Variants in DLEC1 observed in about 807,000 individuals in gnomAD.
The protein encoded by DLEC1 is deleted in lung and esophageal cancer protein 1.
Under a neutral mutation model 198.1 loss-of-function variants are expected in DLEC1, and 146 were observed. That is an observed-to-expected ratio of 0.74 (90% CI 0.64 to 0.85). The LOEUF is 0.85. Ranked by LOEUF, DLEC1 falls within the 40% of genes least tolerant of loss-of-function variation. The probability of loss-of-function intolerance (pLI) is 0.00; values close to 1 mark genes in which losing one functional copy is unlikely to be tolerated. For synonymous variants in DLEC1, 897 were observed against 866.8 expected (o/e 1.03, Z -0.61); for missense variants, 2,233 against 2,220.0 (o/e 1.01, Z -0.12).
chr3:38,054,490 G>A (rs549678177), intron 2 of DLEC1, among the ~76,000 whole-genome samples: 2 of 152,070 alleles, frequency 1.3e-5, no homozygotes, highest in East Asian at 3.8e-4. Flanking sequence ...TGCTGGCACA[G>A]GTTTCCCAGG....
At position 38,112,322 on chromosome 3, in the gene DLEC1, C is replaced by T; in HGVS notation, c.3627C>T (p.Ala1209=). 6.2e-7 allele frequency: 1 copy of T among 1,614,160 alleles called. No homozygotes were observed. The highest frequency in any genetic ancestry group is 8.5e-7 in the Non-Finnish European group (1 of 1,180,018). The part of the protein sequence containing the change: ...QQLCIDITGC[A]NMWGEYWDNL... ...TGTGCATTGACATCACAGGCTGTGC[C>T]AACATGTGGGGCGAGTACTGGGACA... Residue 1209 remains alanine, a synonymous_variant, in exon 25 of 37, where the codon GCC becomes GCT. Transcript: ENST00000308059. This position sits in a 1 kb window ranked among gnomAD's most constrained non-coding sequence, Gnocchi z 4.8.
chr3:38,106,661 CAGT>C (rs771614129), intron 19 of DLEC1, among the ~76,000 whole-genome samples: 43 of 147,680 alleles, frequency 2.9e-4, no homozygotes, highest in Non-Finnish European at 4.9e-4. Flanking sequence ...GAGGCTGAGG[CAGT>C]AGAATTTCTT....
At chr3:38,097,450 T>C (rs1259910993) in intron 16 of DLEC1, 57 bp from the exon 17 acceptor site, 8 of 1,605,302 alleles carry the variant, frequency 5.0e-6, no homozygotes, top group Non-Finnish European at 6.8e-6. Context: ...GGCCCAATCA[T>C]AGGAGGAAAC....
chr3:38,114,594 C>A, intron 26 of DLEC1, 134 bp downstream of exon 26: 2 of 871,160 alleles, frequency 2.3e-6, no homozygotes, highest in Non-Finnish European at 3.6e-6. Context: ...CAAGAAGGTT[C>A]CAGGCCAGGG....
At chr3:38,120,409 T>C in intron 33 of DLEC1, 39 bp from the exon 34 acceptor site, 2 of 1,609,486 alleles carry the variant, frequency 1.2e-6, no homozygotes, top group Non-Finnish European at 1.7e-6. Context: ...CCACCTGCCC[T>C]CTGCAGCCGG....
intron 6 of DLEC1, among the ~76,000 whole-genome samples, chr3:38,070,820 CG>C (rs1559414995): frequency 6.6e-6 from 1 of 152,088 alleles, no homozygotes; most frequent in Non-Finnish European, 1.5e-5. Flanking sequence ...TCAGTTAAGG[CG>C]GGGCAGGGCA....
Position 38,122,924 on chromosome 3 carries a change from A to G in DLEC1, c.*512A>G, listed in dbSNP as rs967127884. Reference sequence around the variant, plus strand: ...TTTCCAAATGAGTTGAAGTGCCTTGATCTGTCCACTGCCACCACCACCAGT... The same window carrying G: ...TTTCCAAATGAGTTGAAGTGCCTTGGTCTGTCCACTGCCACCACCACCAGT... On this transcript the variant is annotated 3_prime_UTR_variant, in exon 37 of 37. Coordinates refer to ENST00000308059, the MANE Select transcript of DLEC1 (RefSeq NM_007335.4). The G allele has an allele frequency of 2.0e-6, 2 of 1,021,138 alleles. No homozygotes were observed. Among genetic ancestry groups the G allele is most frequent in the Non-Finnish European group, 3.0e-6 (2 of 674,040 alleles). The allele number at this position is 1,021,138 out of a possible 1,614,324, so 63.3% of individuals were successfully genotyped here.
intron 7 of DLEC1, 111 bp downstream of exon 7, chr3:38,084,356 G>GGTGGTAGTAGTA: frequency 2.2e-6 from 2 of 915,418 alleles, no homozygotes; most frequent in Non-Finnish European, 3.3e-6. Context: ...TAGTAGTGGT[G>GGTGGTAGTAGTA]GTGGTAGTAG....
In DLEC1 at chr3:38,097,226, G is replaced by C; in HGVS notation, c.2385G>C (p.Lys795Asn). ...CACCCATCAGATACCTGTGGGGGAAGATCAGCGACTGCCACATCATTGAAG... is the reference window on the plus strand; with the variant it reads ...CACCCATCAGATACCTGTGGGGGAACATCAGCGACTGCCACATCATTGAAG... ...SKSPIRYLWGKISDCHIIEVE... is the reference protein window; with the variant it reads ...SKSPIRYLWGNISDCHIIEVE... The change falls in exon 16 of 37, where the codon AAG becomes AAC. Residue 795 changes from lysine (K) to asparagine (N), a missense_variant. Coordinates refer to ENST00000308059, the MANE Select transcript of DLEC1 (RefSeq NM_007335.4). 2.0e-5 allele frequency: 31 copies of C among 1,587,980 alleles called. No individual in the cohort carries two copies. Among genetic ancestry groups the C allele is most frequent in the Non-Finnish European group, 2.7e-5 (31 of 1,165,932 alleles).
At chr3:38,043,883 A>G (rs1035199568) in intron 1 of DLEC1, among the ~76,000 whole-genome samples, 1 of 152,174 alleles carries the variant, frequency 6.6e-6, no homozygotes, top group Non-Finnish European at 1.5e-5. Context: ...TATTAAAAGA[A>G]TGACTAAATA....
At chr3:38,111,500 C>T (rs556906297) in intron 23 of DLEC1, among the ~76,000 whole-genome samples, 177 bp from the exon 24 acceptor site, 98 of 152,270 alleles carry the variant, frequency 6.4e-4, no homozygotes, top group Admixed American at 2.3e-3. Flanking sequence ...ACAGTGGGAG[C>T]AAAGACCAGA....
Position 38,122,334 on chromosome 3 carries a change from C to G in DLEC1, c.5190C>G (p.Leu1730=), listed in dbSNP as rs760984380. Residue 1730 remains leucine, a synonymous_variant, in exon 37 of 37, where the codon CTC becomes CTG. Coordinates refer to ENST00000308059, the MANE Select transcript of DLEC1 (RefSeq NM_007335.4). ...YESTMVVEGV[L]GEKSCTLRLR... is the part of the protein sequence containing the mutation. Reference sequence around the variant, plus strand: ...CCACGATGGTGGTGGAAGGTGTGCTCGGTGAGAAGTCCTGCACCCTGCGGC... The same window carrying G: ...CCACGATGGTGGTGGAAGGTGTGCTGGGTGAGAAGTCCTGCACCCTGCGGC... 68 of 1,614,012 alleles carry G rather than the reference C, an allele frequency of 4.2e-5. No homozygotes were observed. The highest frequency in any genetic ancestry group is 5.7e-5 in the Non-Finnish European group (67 of 1,179,954).
rs377654373 is a variant in DLEC1 at position 38,120,554 on chromosome 3, G to C, written c.4811G>C (p.Arg1604Thr). The change falls in exon 34 of 37, where the codon AGA (arginine) becomes ACA (threonine). Residue 1604 changes from arginine to threonine, a missense_variant. Physicochemically the swap from Arg to Thr is moderately conservative, Grantham distance 71. Coordinates refer to ENST00000308059, the MANE Select transcript of DLEC1 (RefSeq NM_007335.4). Reference protein sequence around the residue: ...VDIQQSASGEREMVFTQNLLL... With the variant: ...VDIQQSASGETEMVFTQNLLL... ...ATTCAGCAGAGTGCGAGTGGAGAGA[G>C]AGAGATGGTGTTTACTCAGAACCTG... is the stretch of plus-strand genomic sequence containing the variant. 1.9e-6 allele frequency: 3 copies of C among 1,614,178 alleles called. No individual in the cohort carries two copies. The highest frequency in any genetic ancestry group is 1.1e-5 in the South Asian group (1 of 91,078).
intron 18 of DLEC1, among the ~76,000 whole-genome samples, chr3:38,099,571 A>G (rs1170566261): frequency 6.6e-6 from 1 of 152,168 alleles, no homozygotes; most frequent in East Asian, 1.9e-4. Flanking sequence ...CCACCCCCAG[A>G]GCTCCAAGGG....
Position 38,114,409 on chromosome 3 carries a change from T to TGAG in DLEC1, c.3737_3739dup (p.Arg1246dup). On this transcript the variant is annotated inframe_insertion, in exon 26 of 37. Coordinates refer to ENST00000308059, the MANE Select transcript of DLEC1 (RefSeq NM_007335.4). ...GCGGTGGGCTGCCCCATCAGCTCCC[T>TGAG]GAGGACCACCTCCTACACTATTGAC... The TGAG allele has an allele frequency of 6.2e-7, 1 of 1,614,130 alleles. No homozygotes were observed.
At chr3:38,075,570 G>C (rs1697563518) in intron 6 of DLEC1, among the ~76,000 whole-genome samples, 1 of 152,210 alleles carries the variant, frequency 6.6e-6, no homozygotes, top group Non-Finnish European at 1.5e-5. Flanking sequence ...GGAGGGAAGG[G>C]GTTCGGGGGT....
At position 38,114,969 on chromosome 3, in the gene DLEC1, C is replaced by G. The variant is rs1212966994; in HGVS notation, c.3786-14C>G. Reference sequence around the variant, plus strand: ...TGGCTGTGGCTGTACTGAGTCCAGTCTGTCCCCCTCCAGGTTCGGCACCCA... The same window carrying G: ...TGGCTGTGGCTGTACTGAGTCCAGTGTGTCCCCCTCCAGGTTCGGCACCCA... On this transcript the variant is annotated splice_polypyrimidine_tract_variant and intron_variant, in intron 26 of 36. Transcript: ENST00000308059. 3 of 1,612,372 alleles carry G rather than the reference C, an allele frequency of 1.9e-6. No individual in the cohort carries two copies. The South Asian group carries it at 3.3e-5, about 18-fold the overall frequency.
At chr3:38,056,302 G>C (rs1208886815) in intron 2 of DLEC1, among the ~76,000 whole-genome samples, 1 of 152,018 alleles carries the variant, frequency 6.6e-6, no homozygotes, top group Non-Finnish European at 1.5e-5. Flanking sequence ...GTGGTTTTTG[G>C]TTTTTTGGTT....
intron 14 of DLEC1, among the ~76,000 whole-genome samples, 177 bp from the exon 15 acceptor site, chr3:38,096,392 C>T (rs1699018387): frequency 6.6e-6 from 1 of 152,206 alleles, no homozygotes; most frequent in Non-Finnish European, 1.5e-5. Flanking sequence ...CTGTCACAGC[C>T]ATCGGTGCTT....
Sources: gnomAD v4.1 joint callset for allele counts (sites outside exome capture counted in the v4.1 genomes callset) on GRCh38, gnomAD v4.1.1 for gene constraint, Gnocchi (gnomAD v3.1) non-coding constraint, MANE v1.5 for transcripts, NCBI Gene and HGNC (gene_info 2026-07-23, HGNC 2026-07-21) for gene names.